DDAH1: variants seen among roughly 807,000 people sequenced by gnomAD.
DDAH1 encodes the protein dimethylarginine dimethylaminohydrolase 1, also known as N(G),N(G)-dimethylarginine dimethylaminohydrolase 1.
DDAH1 carries 19 observed loss-of-function variants against 28.8 expected under a neutral mutation model. That is an observed-to-expected ratio of 0.66 (90% CI 0.46 to 0.97). DDAH1 has a LOEUF of 0.97. Among genes scored for constraint, DDAH1 ranks in the 50% least tolerant of loss-of-function variants. DDAH1 has a pLI of 0.00. For synonymous variants in DDAH1, 153 were observed against 154.4 expected (o/e 0.99, Z 0.07); for missense variants, 326 against 375.9 (o/e 0.87, Z 1.10).
At chr1:85,561,610 T>C (rs1290891762) in intron 1 of DDAH1, among the ~76,000 whole-genome samples, 2 of 152,170 alleles carry the variant, frequency 1.3e-5, no homozygotes, top group Admixed American at 6.5e-5. Context: ...TTGTGTTAAG[T>C]ACCAAGATAG....
At chr1:85,542,020 A>T (rs2100786129) in intron 1 of DDAH1, among the ~76,000 whole-genome samples, 1 of 152,300 alleles carries the variant, frequency 6.6e-6, no homozygotes, top group East Asian at 1.9e-4. Context: ...ATGTTTTCTC[A>T]TTTAGTCCTC....
intron 1 of DDAH1, among the ~76,000 whole-genome samples, chr1:85,463,114 G>A (rs905277573): frequency 6.6e-6 from 1 of 152,194 alleles, no homozygotes; most frequent in Non-Finnish European, 1.5e-5. Flanking sequence ...TCAGTCTAAT[G>A]TTTTTATCCA....
chr1:85,461,726 A>T (rs1431263073), intron 1 of DDAH1, among the ~76,000 whole-genome samples: 1 of 152,240 alleles, frequency 6.6e-6, no homozygotes, highest in African/African-American at 2.4e-5. Flanking sequence ...ATGTTGACCA[A>T]TACAGACATG....
chr1:85,452,844 A>G (rs1226963856), intron 1 of DDAH1, among the ~76,000 whole-genome samples: 1 of 152,186 alleles, frequency 6.6e-6, no homozygotes, highest in Non-Finnish European at 1.5e-5. Flanking sequence ...CAAACCAACA[A>G]CAACAAAAAC....
chr1:85,402,908 CA>C (rs11358089), intron 1 of DDAH1, among the ~76,000 whole-genome samples: 95,368 of 113,340 alleles, frequency 0.84, 40,265 homozygotes, highest in Admixed American at 0.91. Flanking sequence ...GACTCCATCT[CA>C]AAAAAAAAAA....
At chr1:85,352,577 TA>T (rs1214877416) in intron 2 of DDAH1, among the ~76,000 whole-genome samples, 2 of 152,202 alleles carry the variant, frequency 1.3e-5, no homozygotes, top group African/African-American at 2.4e-5. Flanking sequence ...TTCCCTGATT[TA>T]ACCCACCACC....
chr1:85,381,458 C>T (rs1172298741), intron 1 of DDAH1, among the ~76,000 whole-genome samples: 6 of 151,868 alleles, frequency 4.0e-5, no homozygotes, highest in South Asian at 2.1e-4. Flanking sequence ...GAAGTATACA[C>T]GTTACCCAAT....
chr1:85,383,201 T>C (rs1651086545), intron 1 of DDAH1, among the ~76,000 whole-genome samples: 1 of 152,212 alleles, frequency 6.6e-6, no homozygotes, highest in Non-Finnish European at 1.5e-5. Flanking sequence ...TAGATGTCAT[T>C]AAGAACATTT....
At chr1:85,402,741 C>T (rs1652175631) in intron 1 of DDAH1, among the ~76,000 whole-genome samples, 1 of 151,956 alleles carries the variant, frequency 6.6e-6, no homozygotes, top group Non-Finnish European at 1.5e-5. Flanking sequence ...AACCCCGTCT[C>T]TACTAAAAAT....
At chr1:85,513,525 T>C (rs1657325065) in intron 1 of DDAH1, among the ~76,000 whole-genome samples, 1 of 152,154 alleles carries the variant, frequency 6.6e-6, no homozygotes, top group Non-Finnish European at 1.5e-5. Flanking sequence ...CTAAAGAGCT[T>C]CTGCACGACA....
At chr1:85,412,798 C>T (rs1652718571) in intron 1 of DDAH1, among the ~76,000 whole-genome samples, 1 of 152,102 alleles carries the variant, frequency 6.6e-6, no homozygotes, top group Non-Finnish European at 1.5e-5. Flanking sequence ...CCCAGGAGTT[C>T]GAGACCAGCC....
At chr1:85,342,880 A>G (rs1319382201) in intron 4 of DDAH1, among the ~76,000 whole-genome samples, 2 of 152,242 alleles carry the variant, frequency 1.3e-5, no homozygotes, top group Non-Finnish European at 2.9e-5. Context: ...CAGACCCAGA[A>G]TATCAGAATT....
intron 1 of DDAH1, among the ~76,000 whole-genome samples, chr1:85,455,681 C>A (rs1381261598): frequency 6.6e-6 from 1 of 152,218 alleles, no homozygotes; most frequent in Admixed American, 6.5e-5. Context: ...ACATTCACCA[C>A]ACAAAAACAT....
intron 1 of DDAH1, among the ~76,000 whole-genome samples, chr1:85,403,923 A>G (rs1652276255): frequency 6.6e-6 from 1 of 152,200 alleles, no homozygotes; most frequent in South Asian, 2.1e-4. Context: ...TTACAAATGG[A>G]TACATGTTGT....
chr1:85,571,738 G>A (rs1215778145), intron 1 of DDAH1, among the ~76,000 whole-genome samples: 6 of 142,870 alleles, frequency 4.2e-5, no homozygotes, highest in Non-Finnish European at 7.6e-5. Context: ...GAAATTTTAA[G>A]CATACAATAC....
chr1:85,355,981 A>C (rs1649468949), intron 2 of DDAH1, among the ~76,000 whole-genome samples: 1 of 152,230 alleles, frequency 6.6e-6, no homozygotes, highest in Non-Finnish European at 1.5e-5. Context: ...CATGGAGGCA[A>C]AACTCAAAGA....
chr1:85,427,210 T>C (rs1653441541), intron 1 of DDAH1, among the ~76,000 whole-genome samples: 2 of 150,936 alleles, frequency 1.3e-5, no homozygotes, highest in Admixed American at 1.3e-4. Flanking sequence ...AGTTCCACAA[T>C]GTGTTAAGAA....
intron 1 of DDAH1, among the ~76,000 whole-genome samples, chr1:85,409,465 T>C (rs1652547621): frequency 6.6e-6 from 1 of 152,226 alleles, no homozygotes; most frequent in Non-Finnish European, 1.5e-5. Context: ...ACAGTCTAAC[T>C]TCCCAATTTT....
chr1:85,508,742 C>T (rs537287), intron 1 of DDAH1, among the ~76,000 whole-genome samples: 51,292 of 152,176 alleles, frequency 0.34, 8,628 homozygotes, highest in African/African-American at 0.35. Flanking sequence ...TGAGATCAAT[C>T]TGTGAGGCGG....
Sources: gnomAD v4.1 joint callset for allele counts (sites outside exome capture counted in the v4.1 genomes callset) on GRCh38, gnomAD v4.1.1 for gene constraint, MANE v1.5 for transcripts, NCBI Gene and HGNC (gene_info 2026-07-23, HGNC 2026-07-21) for gene names.